Variants in KCNQ1OT1 observed in about 807,000 individuals in gnomAD.
KCNQ1OT1 encodes KCNQ1 opposite strand/antisense transcript 1, also known as KCNQ1 antisense RNA 2 (non-protein coding).
rs1009848950 is a variant in KCNQ1OT1, at chr11:2,642,352, A to T, written n.57643T>A. ...CCTCTTTGGTTAAACTCATTCCTAG[A>T]TTTTTTGTAGTGGTTGTAAAAGATA... On this transcript the variant is annotated non_coding_transcript_exon_variant, in exon 1 of 1. Coordinates refer to ENST00000597346, the Ensembl canonical transcript of KCNQ1OT1. This position sits in a 1 kb window ranked among gnomAD's most constrained non-coding sequence, Gnocchi z 4.3. The T allele has an allele frequency of 1.3e-5, 5 of 397,880 alleles. No individual in the cohort carries two copies. Among genetic ancestry groups the T allele is most frequent in the Non-Finnish European group, 1.8e-5 (4 of 225,772 alleles). 24.6% of individuals were successfully genotyped at this position (397,880 alleles called of 1,614,324 possible).
At chr11:2,643,944 G>A (rs966862491) in exon 1 of KCNQ1OT1, 8 of 398,458 alleles carry the variant, frequency 2.0e-5, no homozygotes, top group Non-Finnish European at 3.1e-5. Flanking sequence ...CTCCTGGCCT[G>A]TAAAGTTTCT....
exon 1 of KCNQ1OT1, chr11:2,614,044 A>G (rs926147564): frequency 3.8e-5 from 15 of 398,492 alleles, no homozygotes; most frequent in African/African-American, 2.9e-4. Context: ...TGACTGTGCT[A>G]TAACCTTTCA....
chr11:2,699,456 G>GCCGGGAGAGTGCCGCGCTGAGGAGCCC (rs1475356913), exon 1 of KCNQ1OT1: 17 of 397,168 alleles, frequency 4.3e-5, no homozygotes, highest in African/African-American at 3.4e-4. Flanking sequence ...CTGAGGAGCC[G>GCCGGGAGAGTGCCGCGCTGAGGAGCCC]CCGGGAGAGT....
chr11:2,632,249 T>G, exon 1 of KCNQ1OT1: 1 of 398,528 alleles, frequency 2.5e-6, no homozygotes, highest in East Asian at 3.6e-5. Context: ...CCTGCTACTT[T>G]GCTGAATTAA....
exon 1 of KCNQ1OT1, chr11:2,609,595 A>G: frequency 2.5e-6 from 1 of 398,262 alleles, no homozygotes; most frequent in Non-Finnish European, 4.4e-6. Flanking sequence ...TCTTTCTTGT[A>G]CTACACATTA....
chr11:2,697,855 GCT>G (rs1850704989), exon 1 of KCNQ1OT1: 2 of 398,512 alleles, frequency 5.0e-6, no homozygotes, highest in African/African-American at 4.1e-5. Context: ...ATTTGGACAT[GCT>G]CTGATTCGCA....
In KCNQ1OT1 at chr11:2,626,552, A is replaced by G. The variant is rs1657012305; in HGVS notation, n.73443T>C. On this transcript the variant is annotated non_coding_transcript_exon_variant, in exon 1 of 1. Coordinates refer to ENST00000597346, the Ensembl canonical transcript of KCNQ1OT1. The surrounding 1 kb of genome is among the most constrained non-coding windows in gnomAD (Gnocchi z 4.0). ...GTTGGGGTTTTTGTTTGTTTTTCAG[A>G]CATTCTTACTCTGTTGCCCACGCTG... 1.3e-5 allele frequency: 5 copies of G among 398,380 alleles called. No homozygotes were observed. In the Admixed American group the frequency reaches 2.2e-4, roughly 18 times the overall value. 24.7% of individuals were successfully genotyped at this position (398,380 alleles called of 1,614,324 possible).
exon 1 of KCNQ1OT1, chr11:2,631,653 G>C (rs1291917299): frequency 2.5e-6 from 1 of 398,392 alleles, no homozygotes; most frequent in Non-Finnish European, 4.4e-6. Flanking sequence ...TCTGTTTCTT[G>C]TTACAATGAA....
In KCNQ1OT1 at chr11:2,688,191, C is replaced by T. The variant is rs987052818; in HGVS notation, n.11804G>A. On this transcript the variant is annotated non_coding_transcript_exon_variant, in exon 1 of 1. Transcript: ENST00000597346. ...TGCAGACAGCTCCCAAGCAAGGGGG[C>T]AGGAGGGGCTGCACTGAGCCCACCA... 1.3e-5 allele frequency: 5 copies of T among 398,716 alleles called. No homozygotes were observed. In the Admixed American group the frequency reaches 2.2e-4, roughly 18 times the overall value. The allele number at this position is 398,716 out of a possible 1,614,324, so 24.7% of individuals were successfully genotyped here. A position where few individuals can be genotyped will look rare whatever the true frequency, so the allele number is the denominator to read the frequency against.
exon 1 of KCNQ1OT1, chr11:2,641,801 G>C (rs1849581110): frequency 5.0e-6 from 2 of 398,382 alleles, no homozygotes. Context: ...AACCCATCTT[G>C]AGTTGATTTT....
exon 1 of KCNQ1OT1, chr11:2,699,967 C>G (rs976493621): frequency 1.8e-5 from 7 of 398,210 alleles, no homozygotes; most frequent in Non-Finnish European, 3.1e-5. Flanking sequence ...CCTGGAGGTC[C>G]GTGCTGAGGC....
At chr11:2,648,648 T>C (rs1849704447) in exon 1 of KCNQ1OT1, 2 of 398,434 alleles carry the variant, frequency 5.0e-6, no homozygotes, top group Admixed American at 8.8e-5. Context: ...CTTGATAAGA[T>C]TTTGACTTTT....
At chr11:2,656,513 T>C in exon 1 of KCNQ1OT1, 1 of 398,718 alleles carries the variant, frequency 2.5e-6, no homozygotes, top group East Asian at 3.6e-5. Context: ...TGAGTTTATT[T>C]ACATTTCCCT....
exon 1 of KCNQ1OT1, chr11:2,632,423 G>A (rs1167750207): frequency 5.0e-5 from 20 of 398,204 alleles, no homozygotes; most frequent in Admixed American, 8.8e-5. Flanking sequence ...GCTAAAATGC[G>A]CATCTTGCTT....
exon 1 of KCNQ1OT1, chr11:2,614,160 C>T (rs1326899360): frequency 5.0e-6 from 2 of 398,476 alleles, no homozygotes; most frequent in Non-Finnish European, 4.4e-6. Context: ...CTCCATAAAT[C>T]GAATCTACCC....
rs891222981 is a variant in KCNQ1OT1, at chr11:2,659,625, G to A, written n.40370C>T. 6 of 398,398 alleles carry A rather than the reference G, an allele frequency of 1.5e-5. No individual in the cohort carries two copies. Among genetic ancestry groups the A allele is most frequent in the Non-Finnish European group, 2.7e-5 (6 of 226,030 alleles). The allele number at this position is 398,398 out of a possible 1,614,324, so 24.7% of individuals were successfully genotyped here. Reference sequence around the variant, plus strand: ...AATTCACTTGGGTGGGAAAGGAACCGATAGGTCATGTGGTATGTGTATGTT... The same window carrying A: ...AATTCACTTGGGTGGGAAAGGAACCAATAGGTCATGTGGTATGTGTATGTT... On this transcript the variant is annotated non_coding_transcript_exon_variant, in exon 1 of 1. Transcript: ENST00000597346. The surrounding 1 kb of genome is among the most constrained non-coding windows in gnomAD (Gnocchi z 4.3).
chr11:2,608,609 G>A lies in KCNQ1OT1; in HGVS notation n.91386C>T, dbSNP rs951597744. ...TTGCCCCTTAGCCTATGACAGGTGT[G>A]CACCACAACACCAGCTGTTATTCAA... On this transcript the variant is annotated non_coding_transcript_exon_variant, in exon 1 of 1. Transcript: ENST00000597346. The surrounding 1 kb of genome is among the most constrained non-coding windows in gnomAD (Gnocchi z 4.6). 5.0e-6 allele frequency: 2 copies of A among 398,396 alleles called. No individual in the cohort carries two copies. The highest frequency in any genetic ancestry group is 7.1e-5 in the East Asian group (2 of 28,076). The allele number at this position is 398,396 out of a possible 1,614,324, so 24.7% of individuals were successfully genotyped here. A position where few individuals can be genotyped will look rare whatever the true frequency, so the allele number is the denominator to read the frequency against.
Position 2,623,824 on chromosome 11 carries a change from T to C in KCNQ1OT1, n.76171A>G. On this transcript the variant is annotated non_coding_transcript_exon_variant, in exon 1 of 1. Coordinates refer to ENST00000597346, the Ensembl canonical transcript of KCNQ1OT1. The surrounding 1 kb of genome is among the most constrained non-coding windows in gnomAD (Gnocchi z 5.2). The stretch of plus-strand genomic sequence containing the variant: ...CTGAACTGCATGGTAAGAATATGTT[T>C]AATTTTATAAGAAACCACTGATTTC... The C allele has an allele frequency of 2.5e-6, 1 of 398,586 alleles. No individual in the cohort carries two copies. Among genetic ancestry groups the C allele is most frequent in the Non-Finnish European group, 4.4e-6 (1 of 226,042 alleles). The allele number at this position is 398,586 out of a possible 1,614,324, so 24.7% of individuals were successfully genotyped here.
At chr11:2,693,990 C>G in exon 1 of KCNQ1OT1, 1 of 398,760 alleles carries the variant, frequency 2.5e-6, no homozygotes, top group Non-Finnish European at 4.4e-6. Flanking sequence ...AGGCCCAGCC[C>G]GGCCTCTCTA....
Sources: gnomAD v4.1 joint callset for allele counts on GRCh38, gnomAD v4.1.1 for gene constraint, Gnocchi (gnomAD v3.1) non-coding constraint, MANE v1.5 for transcripts, NCBI Gene and HGNC (gene_info 2026-07-23, HGNC 2026-07-21) for gene names.